Variants in ZFHX3 observed in about 807,000 individuals in gnomAD.
The protein encoded by ZFHX3 is zinc finger homeobox protein 3.
Under a neutral mutation model 279.1 loss-of-function variants are expected in ZFHX3, and 42 were observed. The observed-to-expected ratio is 0.15, with a 90% CI of 0.12 to 0.19. ZFHX3 has a LOEUF of 0.19. Among genes scored for constraint, ZFHX3 ranks in the 10% least tolerant of loss-of-function variants. The pLI is 1.00. For missense variants in ZFHX3, 4,981 were observed against 4,754.0 expected, an observed-to-expected ratio of 1.05 and a Z score of -1.40; for synonymous variants, 2,293 against 1,957.8, an observed-to-expected ratio of 1.17 and a Z score of -4.52.
At chr16:73,839,127 G>A (rs916382491) in intron 1 of ZFHX3, among the ~76,000 whole-genome samples, 3 of 151,550 alleles carry the variant, frequency 2.0e-5, no homozygotes, top group African/African-American at 4.8e-5. Flanking sequence ...CTGGTTGTAC[G>A]AAAGCAGAAA....
At chr16:73,746,549 T>G (rs1007926665) in intron 1 of ZFHX3, among the ~76,000 whole-genome samples, 1 of 152,192 alleles carries the variant, frequency 6.6e-6, no homozygotes, top group African/African-American at 2.4e-5. Context: ...AGGGGCTTAT[T>G]TTCAGCCCCC....
chr16:73,271,191 G>A (rs1479635792), intron 4 of ZFHX3, among the ~76,000 whole-genome samples: 3 of 152,192 alleles, frequency 2.0e-5, no homozygotes, highest in Non-Finnish European at 4.4e-5. Context: ...ATGACCAGGT[G>A]TAGGCTACAA....
rs1258644040 is a variant in ZFHX3 at position 72,907,547 on chromosome 16, G to GTA, written c.3217-17586_3217-17585insTA. ...CGGTTTCCAAAGGTTTCCTCTATTT[G>GTA]TGTGTGTGTGTGTGTGTGTGTGTGT... On this transcript the variant is annotated intron_variant, in intron 3 of 9. Coordinates refer to ENST00000268489, the MANE Select transcript of ZFHX3 (RefSeq NM_006885.4). Among the ~76,000 whole-genome samples, 6 of 16,274 alleles carry GTA rather than the reference G, an allele frequency of 3.7e-4. 1 individual carries two copies. Among genetic ancestry groups the GTA allele is most frequent in the African/African-American group, 1.1e-3 (6 of 5,582 alleles). The allele number at this position is 16,274 out of a possible 152,430, so 10.7% of individuals were successfully genotyped here.
At position 72,826,027 on chromosome 16, in the gene ZFHX3, C is replaced by G. The variant is rs183617574; in HGVS notation, c.3529+3752G>C. 4.7e-3 allele frequency among the ~76,000 whole-genome samples: 717 copies of G among 152,198 alleles called. 11 individuals carry two copies. The highest frequency in any genetic ancestry group is 0.016 in the African/African-American group (651 of 41,518). On this transcript the variant is annotated intron_variant, in intron 5 of 9. Transcript: ENST00000268489. ...AATGTTAGATTCCCTGAAGGCAGGC[C>G]CTATAATCTCACTGAATTTGTGATC...
chr16:73,321,736 T>A (rs1359434854), intron 3 of ZFHX3, among the ~76,000 whole-genome samples: 4 of 152,212 alleles, frequency 2.6e-5, no homozygotes, highest in African/African-American at 4.8e-5. Context: ...CTAGATGTCT[T>A]TCCTTTTGTT....
chr16:73,575,872 C>T lies in ZFHX3; in HGVS notation c.-1547+104308G>A, dbSNP rs111927600. ...CCATTCAATTCCTCTAAGCCCTGAC[C>T]AGTTCACACCGCGATGATTGTGTTT... is the stretch of plus-strand genomic sequence containing the variant. On this transcript the variant is annotated intron_variant, in intron 2 of 17. Coordinates refer to the ZFHX3 transcript ENST00000641206. Among the ~76,000 whole-genome samples the T allele has an allele frequency of 8.5e-3, 1,287 of 152,210 alleles. 22 individuals carry two copies. Among genetic ancestry groups the T allele is most frequent in the African/African-American group, 0.03 (1,249 of 41,524 alleles).
chr16:73,569,225 C>T (rs895767786), intron 2 of ZFHX3, among the ~76,000 whole-genome samples: 1 of 152,144 alleles, frequency 6.6e-6, no homozygotes, highest in South Asian at 2.1e-4. Context: ...TTTTATGTCA[C>T]CTTCCTGTCG....
At chr16:72,799,930 A>T in intron 8 of ZFHX3, 97 bp downstream of exon 8, 1 of 1,084,142 alleles carries the variant, frequency 9.2e-7, no homozygotes, top group South Asian at 1.3e-5. Flanking sequence ...CATTCACCTT[A>T]AGAGTATTGT....
chr16:73,814,980 T>G (rs1320507447), intron 1 of ZFHX3, among the ~76,000 whole-genome samples: 1 of 152,196 alleles, frequency 6.6e-6, no homozygotes, highest in Non-Finnish European at 1.5e-5. Flanking sequence ...GAGATTTTTT[T>G]AATCACCATA....
chr16:73,500,593 C>T (rs1372980805), intron 2 of ZFHX3, among the ~76,000 whole-genome samples: 6 of 145,772 alleles, frequency 4.1e-5, no homozygotes, highest in Non-Finnish European at 7.4e-5. Flanking sequence ...TCCCAAAGTG[C>T]TGGTATTACA....
At chr16:73,130,301 T>C (rs1279433242) in intron 7 of ZFHX3, among the ~76,000 whole-genome samples, 1 of 152,148 alleles carries the variant, frequency 6.6e-6, no homozygotes, top group Non-Finnish European at 1.5e-5. Context: ...AAGAGAGCTG[T>C]ACTCCGACAG....
At chr16:73,272,296 A>G (rs569347304) in intron 4 of ZFHX3, among the ~76,000 whole-genome samples, 4 of 152,128 alleles carry the variant, frequency 2.6e-5, no homozygotes, top group Admixed American at 6.6e-5. Flanking sequence ...AGTATTCTAT[A>G]TTTTTCTCTC....
intron 1 of ZFHX3, among the ~76,000 whole-genome samples, chr16:73,035,979 C>T (rs1431003207): frequency 1.3e-5 from 2 of 152,202 alleles, no homozygotes; most frequent in African/African-American, 2.4e-5. Flanking sequence ...AAAAGTAAGC[C>T]GTCTCCTACT....
chr16:73,403,543 C>A (rs551316978), intron 3 of ZFHX3, among the ~76,000 whole-genome samples: 1 of 109,736 alleles, frequency 9.1e-6, no homozygotes, highest in East Asian at 3.4e-4. Flanking sequence ...ATGAAGGCCA[C>A]ATGCAATTTT....
chr16:72,833,835 G>A (rs4788479), intron 4 of ZFHX3, among the ~76,000 whole-genome samples: 6,437 of 152,224 alleles, frequency 0.042, 632 homozygotes, highest in East Asian at 0.28. Context: ...CCCCTCCTGT[G>A]TGTGTTTTCA....
chr16:73,121,285 G>A lies in ZFHX3; in HGVS notation c.-897+9683C>T, dbSNP rs7198385. Among the ~76,000 whole-genome samples, 1,089 of 152,024 alleles carry A rather than the reference G, an allele frequency of 7.2e-3. 15 individuals carry two copies. The highest frequency in any genetic ancestry group is 0.025 in the African/African-American group (1,040 of 41,338). The stretch of plus-strand genomic sequence containing the variant: ...TTTCAAAGACTTAACACAATAAAAA[G>A]AATGTATAATATCTCATTAATAATT... On this transcript the variant is annotated intron_variant, in intron 7 of 17. Coordinates refer to the ZFHX3 transcript ENST00000641206.
chr16:73,807,620 ATTTTTTTTTTT>A (rs55806545), intron 1 of ZFHX3, among the ~76,000 whole-genome samples: 213 of 70,588 alleles, frequency 3.0e-3, no homozygotes, highest in African/African-American at 7.6e-3. Context: ...CCATGCCCCA[ATTTTTTTTTTT>A]TTTTTTTTTT....
intron 4 of ZFHX3, among the ~76,000 whole-genome samples, chr16:72,837,361 T>C (rs1809035353): frequency 6.6e-6 from 1 of 151,984 alleles, no homozygotes; most frequent in African/African-American, 2.4e-5. Flanking sequence ...AACTGCCTTC[T>C]CAAAGATGAC....
At chr16:73,677,969 A>G (rs2052971604) in intron 2 of ZFHX3, among the ~76,000 whole-genome samples, 2 of 152,202 alleles carry the variant, frequency 1.3e-5, no homozygotes, top group African/African-American at 4.8e-5. Context: ...TTACACAGAT[A>G]CCAGTCTACT....
Sources: gnomAD v4.1 joint callset for allele counts (sites outside exome capture counted in the v4.1 genomes callset) on GRCh38, gnomAD v4.1.1 for gene constraint, MANE v1.5 for transcripts, NCBI Gene and HGNC (gene_info 2026-07-23, HGNC 2026-07-21) for gene names.